Variants in PCDHA4 observed in about 807,000 individuals in gnomAD.
PCDHA4 encodes protocadherin alpha 4, also known as protocadherin alpha-4.
PCDHA4 carries 49 observed loss-of-function variants against 61.4 expected under a neutral mutation model. The ratio of observed to expected loss-of-function variants is 0.80; its 90% CI spans 0.63 to 1.01. The LOEUF (loss-of-function observed/expected upper bound fraction) is 1.01, where lower values mean the gene tolerates loss of function less well. PCDHA4 is among the 50% of genes least tolerant of loss of function. The pLI, the probability that PCDHA4 is intolerant of heterozygous loss-of-function variation, is 0.00. For synonymous variants in PCDHA4, 590 were observed against 550.3 expected, an observed-to-expected ratio of 1.07 and a Z score of -1.01; for missense variants, 1,254 against 1,235.8, an observed-to-expected ratio of 1.01 and a Z score of -0.22.
chr5:140,852,903 G>A, intron 1 of PCDHA4: 1 of 833,182 alleles, frequency 1.2e-6, no homozygotes, highest in South Asian at 5.4e-5. Flanking sequence ...TTTTGAGTCA[G>A]AGTCTCGCTC....
At chr5:140,933,253 A>G (rs958671776) in intron 1 of PCDHA4, among the ~76,000 whole-genome samples, 2 of 152,008 alleles carry the variant, frequency 1.3e-5, no homozygotes, top group Non-Finnish European at 2.9e-5. Context: ...TATAAACACA[A>G]AAGGTTATTA....
At chr5:140,851,730 T>G in intron 1 of PCDHA4, 1 of 971,134 alleles carries the variant, frequency 1.0e-6, no homozygotes, top group Non-Finnish European at 1.2e-6. Context: ...TTCGAGTTCT[T>G]TTGAAATTCA....
At chr5:140,974,379 T>G (rs2096625482) in intron 1 of PCDHA4, among the ~76,000 whole-genome samples, 1 of 152,250 alleles carries the variant, frequency 6.6e-6, no homozygotes, top group South Asian at 2.1e-4. Flanking sequence ...TCTGTTGTAC[T>G]GGAACCCATT....
chr5:140,849,689 G>A, intron 1 of PCDHA4: 1 of 1,598,668 alleles, frequency 6.3e-7, no homozygotes, highest in South Asian at 1.1e-5. Context: ...TCAAGCTGGT[G>A]TCCACCTACA....
chr5:140,999,885 G>A (rs1250861955), intron 3 of PCDHA4, among the ~76,000 whole-genome samples: 1 of 152,200 alleles, frequency 6.6e-6, no homozygotes, highest in Non-Finnish European at 1.5e-5. Context: ...TAGCCCAGCT[G>A]TAGCTTGGGA....
intron 1 of PCDHA4, chr5:140,929,584 A>T: frequency 2.3e-6 from 1 of 433,584 alleles, no homozygotes; most frequent in Non-Finnish European, 4.1e-6. Context: ...GTAATATGAC[A>T]TAAAGGTCTA....
At chr5:140,938,476 T>A (rs1393084209) in intron 1 of PCDHA4, among the ~76,000 whole-genome samples, 2 of 152,194 alleles carry the variant, frequency 1.3e-5, no homozygotes, top group African/African-American at 2.4e-5. Context: ...TTATGTTTTT[T>A]AAAAATCATG....
chr5:140,856,767 T>A, intron 1 of PCDHA4: 1 of 1,596,922 alleles, frequency 6.3e-7, no homozygotes, highest in Non-Finnish European at 8.6e-7. Context: ...AACGCCCCTA[T>A]CTTTGACAGA....
At position 140,836,280 on chromosome 5, in the gene PCDHA4, A is replaced by G. The variant is rs1774331146; in HGVS notation, c.2385+26708A>G. 6.2e-7 allele frequency: 1 copy of G among 1,613,762 alleles called. No homozygotes were observed. Among genetic ancestry groups the G allele is most frequent in the African/African-American group, 1.3e-5 (1 of 74,966 alleles). On this transcript the variant is annotated intron_variant, in intron 1 of 3. Coordinates refer to ENST00000530339, the MANE Select transcript of PCDHA4 (RefSeq NM_018907.4). ...GGGGCTGTACACTGGTGAGATCAGCACGACACGAGCCCTAGATGAGACGGA... is the reference window on the plus strand; with the variant it reads ...GGGGCTGTACACTGGTGAGATCAGCGCGACACGAGCCCTAGATGAGACGGA...
At chr5:140,825,851 A>T (rs1399797049) in intron 1 of PCDHA4, 3 of 151,876 alleles carry the variant, frequency 2.0e-5, no homozygotes, top group African/African-American at 7.3e-5. Context: ...CATGATACAA[A>T]CTCCCCTCTT....
chr5:140,874,685 T>C (rs1212570606), intron 1 of PCDHA4, among the ~76,000 whole-genome samples: 1 of 152,234 alleles, frequency 6.6e-6, no homozygotes, highest in Non-Finnish European at 1.5e-5. Flanking sequence ...AGATTTGTTT[T>C]AACATGTTAT....
intron 1 of PCDHA4, chr5:140,928,897 G>C: frequency 6.2e-7 from 1 of 1,614,186 alleles, no homozygotes. Flanking sequence ...AGACTTTGAA[G>C]ATGTCTGGGA....
rs143363926 is a variant in PCDHA4 at position 140,919,499 on chromosome 5, C to T, written c.2386-59450C>T. Among the ~76,000 whole-genome samples the T allele has an allele frequency of 1.8e-4, 27 of 152,124 alleles. No homozygotes were observed. In the East Asian group the frequency reaches 5.2e-3, roughly 29 times the overall value. ...TGGATTTATGTTTGTTATTTTACTCCTTTTTCTATATGTTTTAATTCTCTT... is the reference window on the plus strand; with the variant it reads ...TGGATTTATGTTTGTTATTTTACTCTTTTTTCTATATGTTTTAATTCTCTT... On this transcript the variant is annotated intron_variant, in intron 1 of 3. Coordinates refer to ENST00000530339, the MANE Select transcript of PCDHA4 (RefSeq NM_018907.4).
intron 1 of PCDHA4, chr5:140,812,311 C>T (rs1554125951): frequency 6.6e-6 from 1 of 151,858 alleles, no homozygotes; most frequent in Non-Finnish European, 1.5e-5. Flanking sequence ...ATTTTAAAAG[C>T]CTCTTATAAT....
At position 140,852,434 on chromosome 5, in the gene PCDHA4, C is replaced by T. The variant is rs2150516775; in HGVS notation, c.2385+42862C>T. On this transcript the variant is annotated intron_variant, in intron 1 of 3. Transcript: ENST00000530339. ...CTGGGATTATAGGCACATGCCACCG[C>T]GCCCAGCTAATTTTTGTATTTTTAG... 6.7e-4 allele frequency: 121 copies of T among 181,038 alleles called. 6 individuals carry two copies. The highest frequency in any genetic ancestry group is 3.4e-4 in the Admixed American group (5 of 14,894). The allele number at this position is 181,038 out of a possible 1,614,324, so 11.2% of individuals were successfully genotyped here. A position where few individuals can be genotyped will look rare whatever the true frequency, so the allele number is the denominator to read the frequency against.
chr5:140,909,585 T>C (rs1554193854), intron 1 of PCDHA4, among the ~76,000 whole-genome samples: 1 of 152,180 alleles, frequency 6.6e-6, no homozygotes, highest in Non-Finnish European at 1.5e-5. Context: ...GATATGTTTT[T>C]TGATTTACTA....
In PCDHA4 at chr5:140,808,111, T is replaced by G. The variant is rs1764100877; in HGVS notation, c.924T>G (p.Ile308Met). ...ITGQIIVKGY[I>M]DFEESKSYEI... is the part of the protein sequence containing the mutation. ...GACAAATTATTGTAAAGGGATATAT[T>G]GACTTTGAAGAAAGCAAATCCTATG... The change falls in exon 1 of 4, where the codon ATT becomes ATG. Residue 308 changes from isoleucine to methionine, a missense_variant. Physicochemically the swap from Ile to Met is conservative, Grantham distance 10. Coordinates refer to ENST00000530339, the MANE Select transcript of PCDHA4 (RefSeq NM_018907.4). 2 of 1,614,020 alleles carry G rather than the reference T, an allele frequency of 1.2e-6. No individual in the cohort carries two copies. The highest frequency in any genetic ancestry group is 1.7e-5 in the Admixed American group (1 of 60,026).
At chr5:140,877,549 C>T in intron 1 of PCDHA4, 1 of 1,613,788 alleles carries the variant, frequency 6.2e-7, no homozygotes, top group Non-Finnish European at 8.5e-7. Flanking sequence ...CGAAGCGGCT[C>T]TGGTGGATAT....
rs782497691 is a variant in PCDHA4 at position 140,856,769 on chromosome 5, T to C, written c.2385+47197T>C. On this transcript the variant is annotated intron_variant, in intron 1 of 3. Transcript: ENST00000530339. ...AGATGCCAATGATAACGCCCCTATC[T>C]TTGACAGACCGGTTTATGAAGTTAA... is the stretch of plus-strand genomic sequence containing the variant. 1.8e-5 allele frequency: 28 copies of C among 1,596,572 alleles called. 4 individuals carry two copies. The highest frequency in any genetic ancestry group is 2.4e-5 in the Non-Finnish European group (28 of 1,166,742).
Sources: allele counts gnomAD v4.1 joint callset (sites outside exome capture counted in the v4.1 genomes callset), GRCh38; gene constraint gnomAD v4.1.1; transcripts MANE v1.5; gene names NCBI Gene and HGNC (gene_info 2026-07-23, HGNC 2026-07-21).